NTM: variants seen among roughly 807,000 people sequenced by gnomAD.
NTM encodes the protein IgLON family member 2.
NTM carries 13 observed loss-of-function variants against 42.1 expected under a neutral mutation model. The observed-to-expected ratio is 0.31, with a 90% CI of 0.20 to 0.49. NTM has a LOEUF of 0.49. NTM is among the 20% of genes least tolerant of loss of function. The pLI is 0.99. For missense variants in NTM, 373 were observed against 452.8 expected, an observed-to-expected ratio of 0.82 and a Z score of 1.60; for synonymous variants, 187 against 179.2, an observed-to-expected ratio of 1.04 and a Z score of -0.35.
At chr11:132,231,511 T>A (rs1265718001) in intron 4 of NTM, among the ~76,000 whole-genome samples, 4 of 152,204 alleles carry the variant, frequency 2.6e-5, no homozygotes, top group Non-Finnish European at 2.9e-5. Context: ...AGAAGTTTTA[T>A]TAAGGGAGCA....
chr11:131,929,323 C>CGG (rs142070528), intron 2 of NTM, among the ~76,000 whole-genome samples: 21 of 142,406 alleles, frequency 1.5e-4, no homozygotes, highest in South Asian at 8.9e-4. Flanking sequence ...CCTGAACCAA[C>CGG]GGGGGGGCAC....
rs1425689067 is a variant in NTM, at chr11:132,003,620, C to T, written c.167+91972C>T. On this transcript the variant is annotated intron_variant, in intron 2 of 8. Transcript: ENST00000683400. This position sits in a 1 kb window ranked among gnomAD's most constrained non-coding sequence, Gnocchi z 6.0. Reference sequence around the variant, plus strand: ...CTGGGGACCACACTTTGAGAATGTGCTTTCAGCTCAGCTCTGTTGTTCACT... The same window carrying T: ...CTGGGGACCACACTTTGAGAATGTGTTTTCAGCTCAGCTCTGTTGTTCACT... Among the ~76,000 whole-genome samples, 2 of 152,266 alleles carry T rather than the reference C, an allele frequency of 1.3e-5. No homozygotes were observed. The highest frequency in any genetic ancestry group is 1.3e-4 in the Admixed American group (2 of 15,298).
At chr11:132,043,573 G>A (rs1180958929) in intron 2 of NTM, among the ~76,000 whole-genome samples, 1 of 152,206 alleles carries the variant, frequency 6.6e-6, no homozygotes, top group African/African-American at 2.4e-5. Context: ...TTTACAGATT[G>A]TTGATTTGGG....
intron 1 of NTM, chr11:131,796,261 C>T (rs1223378951): frequency 1.3e-6 from 1 of 753,416 alleles, no homozygotes; most frequent in Non-Finnish European, 1.6e-6. Flanking sequence ...GCCCAGCCCT[C>T]TCAGGAGTAG....
chr11:131,972,254 G>C (rs1363277006), intron 2 of NTM, among the ~76,000 whole-genome samples: 1 of 151,646 alleles, frequency 6.6e-6, no homozygotes, highest in Non-Finnish European at 1.5e-5. Flanking sequence ...TAAAAATAAA[G>C]TTACCTTCTT....
rs779830760 is a variant in NTM, at chr11:131,488,332, G to A, written c.82+117444G>A. On this transcript the variant is annotated intron_variant, in intron 1 of 8. Coordinates refer to ENST00000683400, the MANE Select transcript of NTM (RefSeq NM_001352005.2). ...AGCTGGGTCTGAAACATACAAGCCA[G>A]CCCCACTCACACTCTAGGCTTTTCA... Among the ~76,000 whole-genome samples the A allele has an allele frequency of 2.0e-5, 3 of 152,128 alleles. No individual in the cohort carries two copies. The South Asian group carries it at 6.2e-4, about 31-fold the overall frequency.
intron 2 of NTM, among the ~76,000 whole-genome samples, chr11:131,957,193 A>G (rs1235166952): frequency 6.6e-6 from 1 of 152,228 alleles, no homozygotes; most frequent in Non-Finnish European, 1.5e-5. Flanking sequence ...GTCTTACTTC[A>G]CAAAATTGTC....
At chr11:132,017,767 T>C (rs2073667083) in intron 2 of NTM, among the ~76,000 whole-genome samples, 1 of 152,042 alleles carries the variant, frequency 6.6e-6, no homozygotes, top group South Asian at 2.1e-4. Context: ...TATTGAGTCT[T>C]TAAATCCATG....
At chr11:131,435,335 T>C (rs1285356904) in intron 1 of NTM, among the ~76,000 whole-genome samples, 2 of 152,236 alleles carry the variant, frequency 1.3e-5, no homozygotes, top group African/African-American at 4.8e-5. Flanking sequence ...AGAAAGTCAT[T>C]GGGAGCTTGA....
rs2090234968 is a variant in NTM at position 131,789,540 on chromosome 11, A to AG, written c.83-122024_83-122023insG. ...GAAGAAGAAGAAGAAGAAGAAGAAG[A>AG]AGAAGAAAAGAAGAAGAAGAAGAAG... On this transcript the variant is annotated intron_variant, in intron 1 of 8. Coordinates refer to ENST00000683400, the MANE Select transcript of NTM (RefSeq NM_001352005.2). Among the ~76,000 whole-genome samples the AG allele has an allele frequency of 7.2e-5, 2 of 27,758 alleles. 1 individual carries two copies. Among genetic ancestry groups the AG allele is most frequent in the Non-Finnish European group, 1.2e-4 (2 of 16,148 alleles). The allele number at this position is 27,758 out of a possible 152,430, so 18.2% of individuals were successfully genotyped here.
Position 131,774,016 on chromosome 11 carries a change from A to G in NTM, c.83-137548A>G, listed in dbSNP as rs2086567183. The G allele has an allele frequency of 1.4e-5, 14 of 984,350 alleles. No homozygotes were observed. The South Asian group carries it at 6.6e-4, about 46-fold the overall frequency. The allele number at this position is 984,350 out of a possible 1,614,324, so 61.0% of individuals were successfully genotyped here. A position where few individuals can be genotyped will look rare whatever the true frequency, so the allele number is the denominator to read the frequency against. The stretch of plus-strand genomic sequence containing the variant: ...ACATCTTCCGTCGTCTCATTTTTAA[A>G]CAAAATAGTCAATAGCCTTGGTGTC... On this transcript the variant is annotated intron_variant, in intron 1 of 8. Coordinates refer to ENST00000683400, the MANE Select transcript of NTM (RefSeq NM_001352005.2).
At position 132,073,891 on chromosome 11, in the gene NTM, C is replaced by T. The variant is rs111864038; in HGVS notation, c.168-72391C>T. On this transcript the variant is annotated intron_variant, in intron 2 of 8. Coordinates refer to ENST00000683400, the MANE Select transcript of NTM (RefSeq NM_001352005.2). ...TTGCTCCACCATAAGTCAACACATGCACATGCTTTCCCATCAGTTCCCAGA... is the reference window on the plus strand; with the variant it reads ...TTGCTCCACCATAAGTCAACACATGTACATGCTTTCCCATCAGTTCCCAGA... Among the ~76,000 whole-genome samples, 495 of 152,294 alleles carry T rather than the reference C, an allele frequency of 3.3e-3. 3 individuals carry two copies. The highest frequency in any genetic ancestry group is 0.011 in the African/African-American group (465 of 41,556).
At chr11:131,628,108 T>A (rs191428011) in intron 1 of NTM, among the ~76,000 whole-genome samples, 1 of 152,096 alleles carries the variant, frequency 6.6e-6, no homozygotes, top group Non-Finnish European at 1.5e-5. Context: ...CAAGATTGCT[T>A]AGAAAGTTGG....
intron 1 of NTM, among the ~76,000 whole-genome samples, chr11:131,419,535 G>A (rs1428767614): frequency 6.6e-6 from 1 of 152,158 alleles, no homozygotes; most frequent in Non-Finnish European, 1.5e-5. Flanking sequence ...GGAGCAGAAT[G>A]AGGGGAGGCA....
chr11:131,896,812 C>T (rs369852352), intron 1 of NTM, among the ~76,000 whole-genome samples: 2 of 151,648 alleles, frequency 1.3e-5, no homozygotes, highest in Non-Finnish European at 2.9e-5. Flanking sequence ...CCTCAGCCTC[C>T]GGAGTAGCTG....
intron 1 of NTM, among the ~76,000 whole-genome samples, chr11:131,565,204 C>T (rs1406237878): frequency 6.6e-6 from 1 of 152,348 alleles, no homozygotes; most frequent in South Asian, 2.1e-4. Flanking sequence ...TTCACCGCCT[C>T]TCCAGGGACC....
intron 1 of NTM, among the ~76,000 whole-genome samples, chr11:131,655,635 C>A (rs1457403292): frequency 2.0e-5 from 3 of 152,160 alleles, no homozygotes; most frequent in African/African-American, 7.2e-5. Flanking sequence ...GGGTCCATTC[C>A]CCACTCAGAA....
At chr11:131,705,483 C>T (rs2076503072) in intron 1 of NTM, among the ~76,000 whole-genome samples, 1 of 152,080 alleles carries the variant, frequency 6.6e-6, no homozygotes, top group Admixed American at 6.6e-5. Context: ...CAAATAAGTT[C>T]TTCAAGTTGA....
intron 2 of NTM, among the ~76,000 whole-genome samples, chr11:132,145,727 T>A (rs1326839045): frequency 6.6e-6 from 1 of 152,208 alleles, no homozygotes; most frequent in African/African-American, 2.4e-5. Flanking sequence ...AGAAGCCTTC[T>A]GTGGGAATTT....
Sources: gnomAD v4.1 joint callset for allele counts (sites outside exome capture counted in the v4.1 genomes callset) on GRCh38, gnomAD v4.1.1 for gene constraint, Gnocchi (gnomAD v3.1) non-coding constraint, MANE v1.5 for transcripts, NCBI Gene and HGNC (gene_info 2026-07-23, HGNC 2026-07-21) for gene names.